Variants in DYRK1A observed in about 807,000 individuals in gnomAD.
The protein encoded by DYRK1A is dual specificity tyrosine-phosphorylation-regulated kinase 1A.
DYRK1A carries 9 observed loss-of-function variants against 79.7 expected under a neutral mutation model. That is an observed-to-expected ratio of 0.11 (90% confidence interval 0.07 to 0.20). The LOEUF (loss-of-function observed/expected upper bound fraction) is 0.20, where lower values mean the gene tolerates loss of function less well. Ranked by LOEUF, DYRK1A falls within the 10% of genes least tolerant of loss-of-function variation. DYRK1A has a pLI of 1.00. For synonymous variants in DYRK1A, 349 were observed against 329.7 expected, an observed-to-expected ratio of 1.06 and a Z score of -0.63; for missense variants, 622 against 956.0, an observed-to-expected ratio of 0.65 and a Z score of 4.61.
At chr21:37,390,448 A>G (rs1346523107) in intron 1 of DYRK1A, among the ~76,000 whole-genome samples, 3 of 152,212 alleles carry the variant, frequency 2.0e-5, no homozygotes, top group Non-Finnish European at 4.4e-5. Flanking sequence ...GCAGTTTAAC[A>G]TGGAGACATT....
intron 2 of DYRK1A, among the ~76,000 whole-genome samples, chr21:37,453,267 T>C (rs2051519365): frequency 1.3e-5 from 2 of 152,250 alleles, no homozygotes; most frequent in South Asian, 4.1e-4. Flanking sequence ...GTTTTTTCCA[T>C]TTATAGCACA....
Position 37,512,210 on chromosome 21 carries a change from C to T in DYRK1A, c.1944C>T (p.Ser648=), listed in dbSNP as rs762959654. The T allele has an allele frequency of 1.2e-6, 2 of 1,614,174 alleles. No homozygotes were observed. The highest frequency in any genetic ancestry group is 1.7e-6 in the Non-Finnish European group (2 of 1,180,020). Residue 648 remains serine, a synonymous_variant, in exon 12 of 12, where the codon TCC becomes TCT. Coordinates refer to ENST00000647188, the MANE Select transcript of DYRK1A (RefSeq NM_001347721.2). ...EVGHSHHSMT[S]LSSSTTSSST... ...GCCACAGTCACCACTCCATGACATC[C>T]CTGTCTTCCTCAACGACTTCTTCCT...
At chr21:37,448,668 T>C (rs1601121352) in intron 2 of DYRK1A, among the ~76,000 whole-genome samples, 2 of 152,148 alleles carry the variant, frequency 1.3e-5, no homozygotes, top group Admixed American at 1.3e-4. Context: ...GAGGGAAATA[T>C]ATATAAAACA....
intron 8 of DYRK1A, among the ~76,000 whole-genome samples, chr21:37,494,679 G>T (rs1008408747): frequency 2.6e-5 from 4 of 152,030 alleles, no homozygotes; most frequent in African/African-American, 9.7e-5. Flanking sequence ...CGGGCGCAGT[G>T]GCTCACACCT....
At chr21:37,407,229 A>G (rs2050165025) in intron 1 of DYRK1A, among the ~76,000 whole-genome samples, 1 of 152,212 alleles carries the variant, frequency 6.6e-6, no homozygotes, top group Admixed American at 6.5e-5. Flanking sequence ...AAGACTAAAC[A>G]TTCATTTATG....
intron 1 of DYRK1A, among the ~76,000 whole-genome samples, chr21:37,385,354 A>C (rs988103721): frequency 3.3e-5 from 5 of 152,210 alleles, no homozygotes; most frequent in African/African-American, 7.2e-5. Context: ...TTTGAGACTT[A>C]ACCACAGAAA....
chr21:37,450,729 T>C (rs1428289720), intron 2 of DYRK1A, among the ~76,000 whole-genome samples: 1 of 152,220 alleles, frequency 6.6e-6, no homozygotes, highest in Non-Finnish European at 1.5e-5. Flanking sequence ...CACACTCCGC[T>C]TCTTTCACTC....
intron 2 of DYRK1A, among the ~76,000 whole-genome samples, chr21:37,468,217 T>C (rs887513644): frequency 6.6e-6 from 1 of 151,756 alleles, no homozygotes; most frequent in East Asian, 1.9e-4. Context: ...GCTCAGGCAG[T>C]CCTCCCACCC....
chr21:37,453,320 A>G (rs1323999712), intron 2 of DYRK1A, among the ~76,000 whole-genome samples: 1 of 152,256 alleles, frequency 6.6e-6, no homozygotes, highest in African/African-American at 2.4e-5. Context: ...CAGTAGCCAC[A>G]TATGACTATT....
At chr21:37,403,500 AGTGCAGTGGTGCAGTG>A (rs769360351) in intron 1 of DYRK1A, among the ~76,000 whole-genome samples, 3 of 151,934 alleles carry the variant, frequency 2.0e-5, no homozygotes, top group East Asian at 3.9e-4. Context: ...CCCAGTCTGG[AGTGCAGTGGTGCAGTG>A]GTGCAGTGGT....
chr21:37,437,518 A>G (rs983730225), intron 2 of DYRK1A, among the ~76,000 whole-genome samples: 2 of 152,186 alleles, frequency 1.3e-5, no homozygotes, highest in South Asian at 2.1e-4. Context: ...AAAGTATACA[A>G]TTTGATGGAT....
intron 2 of DYRK1A, among the ~76,000 whole-genome samples, chr21:37,450,565 G>A (rs1009694921): frequency 6.6e-6 from 1 of 152,130 alleles, no homozygotes; most frequent in Non-Finnish European, 1.5e-5. Flanking sequence ...TCACACCCTT[G>A]CCTTCCTATA....
intron 1 of DYRK1A, among the ~76,000 whole-genome samples, chr21:37,389,282 G>A (rs906088125): frequency 6.6e-6 from 1 of 151,732 alleles, no homozygotes; most frequent in African/African-American, 2.4e-5. Context: ...TCCCACCTCA[G>A]CCTCCTGAGT....
At chr21:37,391,625 C>G (rs2049871761) in intron 1 of DYRK1A, among the ~76,000 whole-genome samples, 1 of 152,174 alleles carries the variant, frequency 6.6e-6, no homozygotes, top group Non-Finnish European at 1.5e-5. Flanking sequence ...CTGCTCTGTT[C>G]CTGATTGGGC....
At chr21:37,406,649 C>G (rs1451661539) in intron 1 of DYRK1A, among the ~76,000 whole-genome samples, 1 of 151,854 alleles carries the variant, frequency 6.6e-6, no homozygotes, top group African/African-American at 2.4e-5. Context: ...TTATAGTGAG[C>G]TGAGATCATG....
chr21:37,504,345 G>C (rs539313481), intron 9 of DYRK1A: 1 of 152,412 alleles, frequency 6.6e-6, no homozygotes, highest in South Asian at 2.1e-4. Flanking sequence ...AGTTGGTTCA[G>C]ACTTGGGCTG....
chr21:37,427,264 G>A (rs934807087), intron 2 of DYRK1A, among the ~76,000 whole-genome samples: 1 of 152,110 alleles, frequency 6.6e-6, no homozygotes, highest in Non-Finnish European at 1.5e-5. Context: ...GGCACGTGCT[G>A]CCACACCTGG....
At chr21:37,456,880 T>G (rs557808521) in intron 2 of DYRK1A, among the ~76,000 whole-genome samples, 1 of 152,274 alleles carries the variant, frequency 6.6e-6, no homozygotes, top group South Asian at 2.1e-4. Context: ...TTGTCACTAC[T>G]TTTTATTACT....
intron 3 of DYRK1A, among the ~76,000 whole-genome samples, chr21:37,475,213 C>G (rs147186971): frequency 6.1e-4 from 93 of 152,326 alleles, no homozygotes; most frequent in African/African-American, 1.9e-3. Flanking sequence ...AGGAGGAGGT[C>G]ACCTCAACTT....
Sources: allele counts gnomAD v4.1 joint callset (sites outside exome capture counted in the v4.1 genomes callset), GRCh38; gene constraint gnomAD v4.1.1; transcripts MANE v1.5; gene names NCBI Gene and HGNC (gene_info 2026-07-23, HGNC 2026-07-21).